SPAG16: variants seen among roughly 807,000 people sequenced by gnomAD.
The protein encoded by SPAG16 is sperm-associated antigen 16 protein.
In SPAG16, 86 loss-of-function variants were observed where a neutral mutation model predicts 80.4. That is an observed-to-expected ratio of 1.07 (90% confidence interval 0.90 to 1.28). SPAG16 has a LOEUF of 1.28. Among genes scored for constraint, SPAG16 ranks in the 50% most tolerant of loss-of-function variants. SPAG16 has a pLI of 0.00. For missense variants in SPAG16, 870 were observed against 765.3 expected (o/e 1.14, Z -1.61); for synonymous variants, 294 against 265.9 (o/e 1.11, Z -1.03).
At chr2:213,779,843 T>G (rs564152687) in intron 10 of SPAG16, among the ~76,000 whole-genome samples, 2 of 152,318 alleles carry the variant, frequency 1.3e-5, no homozygotes, top group African/African-American at 4.8e-5. Context: ...TTTATCCCAG[T>G]AAGGAAGAAA....
At chr2:213,730,013 A>G (rs573514989) in intron 10 of SPAG16, among the ~76,000 whole-genome samples, 1 of 152,362 alleles carries the variant, frequency 6.6e-6, no homozygotes, top group Non-Finnish European at 1.5e-5. Context: ...AGAGAGGACC[A>G]GTGATTTGAT....
chr2:213,373,387 C>T (rs765482363), intron 8 of SPAG16, among the ~76,000 whole-genome samples: 5 of 151,908 alleles, frequency 3.3e-5, no homozygotes, highest in Non-Finnish European at 7.4e-5. Context: ...TTTTTTCTGC[C>T]AGTACCCTGT....
chr2:214,046,848 A>G (rs754018549), intron 13 of SPAG16, among the ~76,000 whole-genome samples: 4 of 152,170 alleles, frequency 2.6e-5, no homozygotes, highest in Non-Finnish European at 5.9e-5. Flanking sequence ...ATGTTCCAGG[A>G]TAAAAAATTA....
At chr2:213,544,253 G>C (rs1172738878) in intron 10 of SPAG16, among the ~76,000 whole-genome samples, 2 of 151,906 alleles carry the variant, frequency 1.3e-5, no homozygotes, top group African/African-American at 2.4e-5. Context: ...TTCAAAAACT[G>C]TTATTCCTGC....
chr2:214,361,223 G>T (rs1170633110), intron 15 of SPAG16, among the ~76,000 whole-genome samples: 1 of 151,792 alleles, frequency 6.6e-6, no homozygotes, highest in Non-Finnish European at 1.5e-5. Context: ...GACCCCCAGT[G>T]CTAGTTAGAA....
At chr2:214,005,571 G>A (rs1233334886) in intron 12 of SPAG16, among the ~76,000 whole-genome samples, 5 of 152,172 alleles carry the variant, frequency 3.3e-5, no homozygotes, top group Non-Finnish European at 5.9e-5. Context: ...AGACTGTGGT[G>A]AATCTTATGG....
At chr2:213,980,204 A>T (rs999433258) in intron 12 of SPAG16, among the ~76,000 whole-genome samples, 20 of 138,624 alleles carry the variant, frequency 1.4e-4, no homozygotes, top group African/African-American at 5.4e-4. Context: ...TTTTATATAT[A>T]TATATAGAAT....
chr2:214,059,476 T>C (rs2050144766), intron 13 of SPAG16, among the ~76,000 whole-genome samples: 1 of 151,830 alleles, frequency 6.6e-6, no homozygotes, highest in Non-Finnish European at 1.5e-5. Flanking sequence ...GTCTTTGTTC[T>C]AAGTTATTTC....
intron 9 of SPAG16, among the ~76,000 whole-genome samples, chr2:213,424,780 C>G (rs372485144): frequency 6.6e-6 from 1 of 152,258 alleles, no homozygotes; most frequent in South Asian, 2.1e-4. Context: ...CTTTGAGAAT[C>G]CAGAATTTTA....
intron 9 of SPAG16, among the ~76,000 whole-genome samples, chr2:213,389,283 A>G (rs1051180520): frequency 6.6e-6 from 1 of 152,140 alleles, no homozygotes; most frequent in African/African-American, 2.4e-5. Context: ...TCAAAGACCT[A>G]AATATAAGAC....
At chr2:213,545,135 C>T (rs931597608) in intron 10 of SPAG16, among the ~76,000 whole-genome samples, 5 of 152,076 alleles carry the variant, frequency 3.3e-5, no homozygotes, top group Non-Finnish European at 7.4e-5. Context: ...CACATCCTTA[C>T]CAGCATTTTG....
intron 12 of SPAG16, among the ~76,000 whole-genome samples, chr2:213,982,737 A>T (rs1021811606): frequency 1.4e-4 from 7 of 49,158 alleles, no homozygotes; most frequent in African/African-American, 7.2e-4. Context: ...ACAACATAAG[A>T]GTAAAAGATA....
intron 10 of SPAG16, 93 bp from the exon 11 acceptor site, chr2:213,862,392 A>G: frequency 1.3e-6 from 2 of 1,504,914 alleles, no homozygotes; most frequent in South Asian, 1.2e-5. Context: ...CTGCCTTGCT[A>G]AAATCGGATA....
chr2:213,503,306 C>A (rs909484925), intron 10 of SPAG16, among the ~76,000 whole-genome samples: 2 of 152,182 alleles, frequency 1.3e-5, no homozygotes, highest in African/African-American at 2.4e-5. Flanking sequence ...TCTTTGCCTA[C>A]CTTCTTTATG....
intron 10 of SPAG16, among the ~76,000 whole-genome samples, chr2:213,633,775 T>C (rs2062249571): frequency 6.6e-6 from 1 of 152,200 alleles, no homozygotes; most frequent in Admixed American, 6.5e-5. Flanking sequence ...AATTATATGA[T>C]GACTTTATTT....
intron 10 of SPAG16, among the ~76,000 whole-genome samples, chr2:213,707,306 CG>C (rs965037330): frequency 6.6e-6 from 1 of 152,164 alleles, no homozygotes; most frequent in African/African-American, 2.4e-5. Context: ...CCATTAAAAA[CG>C]TATTTCTTCA....
intron 10 of SPAG16, among the ~76,000 whole-genome samples, chr2:213,835,288 A>G (rs992798339): frequency 2.0e-5 from 3 of 152,184 alleles, no homozygotes; most frequent in Admixed American, 1.3e-4. Context: ...TAGCCTAAAT[A>G]TCATTTTCCT....
At chr2:214,341,572 A>T (rs925937953) in intron 15 of SPAG16, among the ~76,000 whole-genome samples, 1 of 152,208 alleles carries the variant, frequency 6.6e-6, no homozygotes, top group African/African-American at 2.4e-5. Context: ...GAATCAGATG[A>T]GAGTCTTGAG....
At chr2:213,847,583 C>T (rs2074693546) in intron 10 of SPAG16, among the ~76,000 whole-genome samples, 1 of 152,124 alleles carries the variant, frequency 6.6e-6, no homozygotes, top group Non-Finnish European at 1.5e-5. Context: ...GACCTAGCTC[C>T]GTGATCCAAA....
Sources: gnomAD v4.1 joint callset for allele counts (sites outside exome capture counted in the v4.1 genomes callset) on GRCh38, gnomAD v4.1.1 for gene constraint, MANE v1.5 for transcripts, NCBI Gene and HGNC (gene_info 2026-07-23, HGNC 2026-07-21) for gene names.